The following CFAP43 variants were observed in gnomAD, a reference collection of about 807,000 sequenced individuals.
CFAP43 encodes the protein cilia and flagella associated protein 43, also known as cilia- and flagella-associated protein 43.
A neutral mutation model predicts 218.9 loss-of-function variants in CFAP43; 155 were observed. The observed-to-expected ratio is 0.71, with a 90% CI of 0.62 to 0.81. The LOEUF (loss-of-function observed/expected upper bound fraction) is 0.81, where lower values mean the gene tolerates loss of function less well. Ranked by LOEUF, CFAP43 falls within the 30% of genes least tolerant of loss-of-function variation. The probability of loss-of-function intolerance (pLI) is 0.00; values close to 1 mark genes in which losing one functional copy is unlikely to be tolerated. For synonymous variants in CFAP43, 645 were observed against 681.3 expected, an observed-to-expected ratio of 0.95 and a Z score of 0.83; for missense variants, 1,778 against 1,954.3, an observed-to-expected ratio of 0.91 and a Z score of 1.70.
At chr10:104,144,380 A>G (rs668349) in intron 31 of CFAP43, among the ~76,000 whole-genome samples, 42,776 of 152,094 alleles carry the variant, frequency 0.28, 8,692 homozygotes, top group African/African-American at 0.58. Context: ...GCCGGGCGAG[A>G]TGGCTCACAC....
At chr10:104,168,367 A>G (rs1297162173) in intron 21 of CFAP43, among the ~76,000 whole-genome samples, 1 of 152,206 alleles carries the variant, frequency 6.6e-6, no homozygotes, top group Non-Finnish European at 1.5e-5. Flanking sequence ...CTCAATGAGA[A>G]ACAGCTCCTT....
intron 12 of CFAP43, among the ~76,000 whole-genome samples, chr10:104,191,763 G>T (rs1439048060): frequency 7.4e-6 from 1 of 135,320 alleles, no homozygotes; most frequent in Non-Finnish European, 1.6e-5. Context: ...TTTTTTTAAG[G>T]AGAATTTTAA....
chr10:104,160,716 T>G (rs1387630020), intron 27 of CFAP43, among the ~76,000 whole-genome samples: 2 of 152,218 alleles, frequency 1.3e-5, no homozygotes, highest in Non-Finnish European at 2.9e-5. Flanking sequence ...GAGCAATACC[T>G]TGCCGTGACT....
intron 20 of CFAP43, among the ~76,000 whole-genome samples, chr10:104,169,986 C>T (rs1015583608): frequency 2.9e-4 from 44 of 152,152 alleles, no homozygotes; most frequent in Non-Finnish European, 5.3e-4. Context: ...TCATTGGGAT[C>T]CTGGCCGGGG....
chr10:104,148,460 A>G (rs1465038974), intron 28 of CFAP43, among the ~76,000 whole-genome samples: 2 of 152,204 alleles, frequency 1.3e-5, no homozygotes, highest in Non-Finnish European at 2.9e-5. Flanking sequence ...TCCAAACTGC[A>G]TGTTGAAACG....
intron 17 of CFAP43, among the ~76,000 whole-genome samples, chr10:104,181,555 A>C (rs1291601476): frequency 1.3e-5 from 2 of 152,230 alleles, no homozygotes; most frequent in Admixed American, 1.3e-4. Context: ...CTCTTTACCT[A>C]GTTTACAAAG....
intron 24 of CFAP43, among the ~76,000 whole-genome samples, chr10:104,162,901 G>A (rs973382564): frequency 3.9e-5 from 6 of 152,046 alleles, no homozygotes; most frequent in African/African-American, 1.2e-4. Flanking sequence ...GCAGAGAAGG[G>A]ACATAGTAAG....
chr10:104,182,352 T>A lies in CFAP43; in HGVS notation c.2289+14A>T. The A allele has an allele frequency of 6.3e-7, 1 of 1,575,026 alleles. No individual in the cohort carries two copies. Among genetic ancestry groups the A allele is most frequent in the Non-Finnish European group, 8.6e-7 (1 of 1,166,490 alleles). On this transcript the variant is annotated intron_variant, in intron 17 of 37. Transcript: ENST00000357060. ...GAAATGTAAGCAAGCAAGCTAGTCA[T>A]ATAGGAACTCAACTGTGTGTTCAGA... is the stretch of plus-strand genomic sequence containing the variant.
intron 3 of CFAP43, among the ~76,000 whole-genome samples, chr10:104,222,359 C>G (rs941360735): frequency 2.6e-5 from 4 of 152,200 alleles, no homozygotes; most frequent in African/African-American, 9.6e-5. Flanking sequence ...TTAAATCCCA[C>G]TCACATTTCT....
intron 28 of CFAP43, among the ~76,000 whole-genome samples, chr10:104,149,865 T>A (rs527290685): frequency 9.8e-5 from 15 of 152,324 alleles, no homozygotes; most frequent in Admixed American, 6.5e-4. Flanking sequence ...ATCACTACAA[T>A]CAATTTTAGA....
intron 21 of CFAP43, among the ~76,000 whole-genome samples, chr10:104,168,475 C>G (rs1004507196): frequency 6.6e-6 from 1 of 152,134 alleles, no homozygotes; most frequent in East Asian, 1.9e-4. Flanking sequence ...TATTAAGACC[C>G]AGATGCAGTG....
intron 30 of CFAP43, among the ~76,000 whole-genome samples, 168 bp downstream of exon 30, chr10:104,146,095 T>A (rs902475439): frequency 6.6e-6 from 1 of 152,218 alleles, no homozygotes; most frequent in Non-Finnish European, 1.5e-5. Context: ...ATTTTACACA[T>A]GGATTTTCAA....
At chr10:104,199,870 T>A (rs777286419) in intron 8 of CFAP43, among the ~76,000 whole-genome samples, 2 of 152,136 alleles carry the variant, frequency 1.3e-5, no homozygotes, top group African/African-American at 4.8e-5. Flanking sequence ...TGCCTAGGCC[T>A]TTCCTGGGCC....
At chr10:104,183,547 G>A (rs1375391054) in intron 16 of CFAP43, among the ~76,000 whole-genome samples, 4 of 151,890 alleles carry the variant, frequency 2.6e-5, no homozygotes, top group South Asian at 2.1e-4. Flanking sequence ...CCGCCACCGC[G>A]CCCGGCTAAT....
intron 17 of CFAP43, among the ~76,000 whole-genome samples, chr10:104,181,572 G>A (rs1242438206): frequency 6.6e-6 from 1 of 152,114 alleles, no homozygotes; most frequent in Non-Finnish European, 1.5e-5. Context: ...AAAGCCCTTC[G>A]TTACCTGGTC....
intron 27 of CFAP43, among the ~76,000 whole-genome samples, chr10:104,153,843 C>T (rs2134782996): frequency 6.7e-6 from 1 of 149,446 alleles, no homozygotes; most frequent in South Asian, 2.2e-4. Flanking sequence ...CTTTCCTACA[C>T]TTTTCTGAAC....
intron 26 of CFAP43, among the ~76,000 whole-genome samples, chr10:104,161,651 G>A (rs2088880140): frequency 6.6e-6 from 1 of 152,118 alleles, no homozygotes; most frequent in South Asian, 2.1e-4. Context: ...GGTTTTCTGA[G>A]ACAGGGTCTT....
chr10:104,164,249 A>C lies in CFAP43; in HGVS notation c.3091T>G (p.Tyr1031Asp). 6.2e-7 allele frequency: 1 copy of C among 1,613,158 alleles called. No homozygotes were observed. Among genetic ancestry groups the C allele is most frequent in the Non-Finnish European group, 8.5e-7 (1 of 1,179,454 alleles). The stretch of plus-strand genomic sequence containing the variant: ...GCAATTTCAAACTCTTTTTGTTTAT[A>C]TGCAGCGTCAAACTCATTATTGAAA... ...TVFNNEFDAAYKQKEFEIARV... is the reference protein window; with the variant it reads ...TVFNNEFDAADKQKEFEIARV... The change falls in exon 24 of 38, where the codon TAT becomes GAT. Residue 1031 changes from tyrosine (Y) to aspartate (D), a missense_variant. This residue lies in a region of CFAP43 where 1,553 missense variants were observed against 1,685.2 expected (regional missense o/e 0.92). Coordinates refer to ENST00000357060, the MANE Select transcript of CFAP43 (RefSeq NM_025145.7).
In CFAP43 at chr10:104,225,619, G is replaced by A. The variant is rs1564819367; in HGVS notation, c.320-62C>T. 2.3e-6 allele frequency: 3 copies of A among 1,317,742 alleles called. No individual in the cohort carries two copies. In the African/African-American group the frequency reaches 4.6e-5, roughly 20 times the overall value. The allele number at this position is 1,317,742 out of a possible 1,614,324, so 81.6% of individuals were successfully genotyped here. A position where few individuals can be genotyped will look rare whatever the true frequency, so the allele number is the denominator to read the frequency against. On this transcript the variant is annotated intron_variant, in intron 2 of 37. Coordinates refer to ENST00000357060, the MANE Select transcript of CFAP43 (RefSeq NM_025145.7). ...TTAAGACCATGTTCAGTTAACTATGGTCTTACAGTTTATTTTCCTTTGCTA... is the reference window on the plus strand; with the variant it reads ...TTAAGACCATGTTCAGTTAACTATGATCTTACAGTTTATTTTCCTTTGCTA...
Sources: allele counts gnomAD v4.1 joint callset (sites outside exome capture counted in the v4.1 genomes callset), GRCh38; gene constraint gnomAD v4.1.1; regional missense constraint gnomAD v4.1.1; transcripts MANE v1.5; gene names NCBI Gene and HGNC (gene_info 2026-07-23, HGNC 2026-07-21).